COL21A1: variants seen among roughly 807,000 people sequenced by gnomAD.
COL21A1 encodes collagen type XXI alpha 1 chain, also known as collagen alpha-1(XXI) chain.
COL21A1 carries 149 observed loss-of-function variants against 137.9 expected under a neutral mutation model. That is an observed-to-expected ratio of 1.08 (90% CI 0.95 to 1.24). The LOEUF is 1.24. COL21A1 is among the 50% of genes most tolerant of loss of function. The probability of loss-of-function intolerance (pLI) is 0.00; values close to 1 mark genes in which losing one functional copy is unlikely to be tolerated. For synonymous variants in COL21A1, 456 were observed against 391.5 expected, an observed-to-expected ratio of 1.16 and a Z score of -1.95; for missense variants, 1,167 against 1,158.4, an observed-to-expected ratio of 1.01 and a Z score of -0.11.
intron 17 of COL21A1, among the ~76,000 whole-genome samples, chr6:56,087,957 T>A (rs1768415792): frequency 1.3e-5 from 2 of 152,242 alleles, no homozygotes; most frequent in African/African-American, 4.8e-5. Context: ...AACCTGTTTT[T>A]AAAATTATCA....
At chr6:56,297,341 A>T (rs1180633993) in intron 1 of COL21A1, among the ~76,000 whole-genome samples, 1 of 152,074 alleles carries the variant, frequency 6.6e-6, no homozygotes, top group Non-Finnish European at 1.5e-5. Flanking sequence ...CCTTCAAATT[A>T]CTTCATTGTT....
At chr6:56,322,900 AAGTC>A (rs57083315) in intron 1 of COL21A1, among the ~76,000 whole-genome samples, 2,514 of 150,304 alleles carry the variant, frequency 0.017, 74 homozygotes, top group African/African-American at 0.058. Flanking sequence ...AAAAAAAAAA[AAGTC>A]AAGTCATCAA....
At chr6:56,255,481 C>T (rs574263883) in intron 1 of COL21A1, among the ~76,000 whole-genome samples, 1 of 152,108 alleles carries the variant, frequency 6.6e-6, no homozygotes, top group South Asian at 2.1e-4. Flanking sequence ...ATCTCTAGAA[C>T]TTGTCTTCAG....
chr6:56,337,563 C>G (rs1765358342), intron 1 of COL21A1, among the ~76,000 whole-genome samples: 1 of 152,260 alleles, frequency 6.6e-6, no homozygotes. Context: ...ATCCCTCTCC[C>G]TGGCCATATT....
upstream of COL21A1, among the ~76,000 whole-genome samples, chr6:56,248,036 C>T (rs551025322): frequency 3.7e-4 from 56 of 152,310 alleles, no homozygotes; most frequent in African/African-American, 1.3e-3. Flanking sequence ...GAGGGAAGTT[C>T]ACTTTCAAAT....
chr6:56,126,201 A>T lies in COL21A1; in HGVS notation c.1543-52T>A, dbSNP rs77388571. ...AAAGAAAAACCATTCCAGCCTAAAC[A>T]ATATCATCATCTATTCTTCAACCTC... On this transcript the variant is annotated intron_variant, in intron 12 of 29. Coordinates refer to ENST00000244728, the MANE Select transcript of COL21A1 (RefSeq NM_030820.4). The T allele has an allele frequency of 4.3e-6, 5 of 1,163,120 alleles. No homozygotes were observed. In the East Asian group the frequency reaches 1.3e-4, roughly 30 times the overall value. The allele number at this position is 1,163,120 out of a possible 1,614,324, so 72.0% of individuals were successfully genotyped here. A position where few individuals can be genotyped will look rare whatever the true frequency, so the allele number is the denominator to read the frequency against.
At chr6:56,061,116 T>C in intron 25 of COL21A1, 79 bp from the exon 26 acceptor site, 1 of 1,203,772 alleles carries the variant, frequency 8.3e-7, no homozygotes, top group Non-Finnish European at 1.2e-6. Context: ...TCGTTAAGGA[T>C]GTGAATATGC....
At chr6:56,335,912 C>G (rs1765321086) in intron 1 of COL21A1, among the ~76,000 whole-genome samples, 1 of 152,180 alleles carries the variant, frequency 6.6e-6, no homozygotes, top group South Asian at 2.1e-4. Flanking sequence ...ATTATTTTAA[C>G]TGTGAGAGTC....
intron 16 of COL21A1, among the ~76,000 whole-genome samples, chr6:56,113,739 G>A (rs1204116638): frequency 1.3e-5 from 2 of 152,144 alleles, no homozygotes; most frequent in Non-Finnish European, 2.9e-5. Flanking sequence ...CCACGGGGAA[G>A]TAGAGCACCA....
chr6:56,197,195 T>C (rs1389712563), intron 1 of COL21A1, among the ~76,000 whole-genome samples: 5 of 151,946 alleles, frequency 3.3e-5, no homozygotes, highest in African/African-American at 4.8e-5. Flanking sequence ...CCTTAGAGCA[T>C]ACACAAAAAC....
chr6:56,090,276 C>G lies in COL21A1; in HGVS notation c.1812+11196G>C, dbSNP rs147525051. On this transcript the variant is annotated intron_variant, in intron 17 of 29. Transcript: ENST00000244728. Reference sequence around the variant, plus strand: ...TCTTAGAACAACACAAAAAAATGATCAGTGCCGTAGACACAGAGCTTCTAA... The same window carrying G: ...TCTTAGAACAACACAAAAAAATGATGAGTGCCGTAGACACAGAGCTTCTAA... Among the ~76,000 whole-genome samples, 755 of 152,236 alleles carry G rather than the reference C, an allele frequency of 5.0e-3. 8 individuals are homozygous for G. Among genetic ancestry groups the G allele is most frequent in the African/African-American group, 0.016 (670 of 41,546 alleles).
At chr6:56,280,580 A>C (rs796497987) in intron 1 of COL21A1, among the ~76,000 whole-genome samples, 2 of 152,318 alleles carry the variant, frequency 1.3e-5, no homozygotes, top group African/African-American at 4.8e-5. Flanking sequence ...CTGAGCATAT[A>C]AGAAAGGAAG....
intron 1 of COL21A1, among the ~76,000 whole-genome samples, chr6:56,259,650 T>G (rs1763203779): frequency 6.6e-6 from 1 of 152,258 alleles, no homozygotes; most frequent in Admixed American, 6.5e-5. Flanking sequence ...TCTGAATGCA[T>G]CTCATTGTTT....
chr6:56,192,186 T>C (rs1289731383), intron 1 of COL21A1, among the ~76,000 whole-genome samples: 2 of 152,126 alleles, frequency 1.3e-5, no homozygotes, highest in African/African-American at 4.8e-5. Flanking sequence ...TTACACCGTA[T>C]ACAAAAATCA....
chr6:56,320,540 CACACACA>C (rs1193607500), intron 1 of COL21A1, among the ~76,000 whole-genome samples: 2 of 151,786 alleles, frequency 1.3e-5, no homozygotes, highest in African/African-American at 4.8e-5. Flanking sequence ...CACACACACA[CACACACA>C]CCCCTCCCAC....
At chr6:56,329,988 C>T (rs1338797933) in intron 1 of COL21A1, among the ~76,000 whole-genome samples, 1 of 152,038 alleles carries the variant, frequency 6.6e-6, no homozygotes, top group Non-Finnish European at 1.5e-5. Context: ...AAACTAATTT[C>T]ATAAAAACTA....
chr6:56,094,032 T>A lies in COL21A1; in HGVS notation c.1812+7440A>T, dbSNP rs541648721. The stretch of plus-strand genomic sequence containing the variant: ...AACAGTGAATCTGCTAATTTTAACA[T>A]CTTTTGTAATCTATATAAGCAGGAT... On this transcript the variant is annotated intron_variant, in intron 17 of 29. Transcript: ENST00000244728. 8.5e-5 allele frequency among the ~76,000 whole-genome samples: 13 copies of A among 152,298 alleles called. No homozygotes were observed. In the East Asian group the frequency reaches 1.9e-3, roughly 23 times the overall value.
intron 1 of COL21A1, among the ~76,000 whole-genome samples, chr6:56,288,222 A>G (rs1238370363): frequency 6.8e-6 from 1 of 147,420 alleles, no homozygotes; most frequent in Non-Finnish European, 1.5e-5. Context: ...TTTCTATTCT[A>G]CTCCAGCTTA....
At chr6:56,212,227 T>C (rs1482525423) in intron 1 of COL21A1, among the ~76,000 whole-genome samples, 1 of 152,076 alleles carries the variant, frequency 6.6e-6, no homozygotes, top group Non-Finnish European at 1.5e-5. Flanking sequence ...ATTAGGTTCA[T>C]TTTTAAAGTT....
Sources: allele counts gnomAD v4.1 joint callset (sites outside exome capture counted in the v4.1 genomes callset), GRCh38; gene constraint gnomAD v4.1.1; transcripts MANE v1.5; gene names NCBI Gene and HGNC (gene_info 2026-07-23, HGNC 2026-07-21).